Variants in FMNL2 observed in about 807,000 individuals in gnomAD.
FMNL2 encodes formin like 2, also known as formin-like protein 2.
Under a neutral mutation model 130.2 loss-of-function variants are expected in FMNL2, and 51 were observed. That is an observed-to-expected ratio of 0.39 (90% CI 0.31 to 0.49). FMNL2 has a LOEUF of 0.49. Among genes scored for constraint, FMNL2 ranks in the 20% least tolerant of loss-of-function variants. The pLI is 0.85. For synonymous variants in FMNL2, 465 were observed against 467.1 expected, an observed-to-expected ratio of 1.00 and a Z score of 0.06; for missense variants, 977 against 1,316.2, an observed-to-expected ratio of 0.74 and a Z score of 3.99.
intron 1 of FMNL2, among the ~76,000 whole-genome samples, chr2:152,396,425 T>G (rs1685396758): frequency 6.6e-6 from 1 of 152,208 alleles, no homozygotes; most frequent in African/African-American, 2.4e-5. Context: ...GACCAGTTAT[T>G]TATTTCAGTG....
At chr2:152,487,209 C>A (rs1690878802) in intron 1 of FMNL2, among the ~76,000 whole-genome samples, 1 of 152,192 alleles carries the variant, frequency 6.6e-6, no homozygotes, top group Non-Finnish European at 1.5e-5. Flanking sequence ...CACAGCAGTT[C>A]TGATTTCCTT....
At chr2:152,373,522 G>C (rs1281861441) in intron 1 of FMNL2, among the ~76,000 whole-genome samples, 1 of 152,268 alleles carries the variant, frequency 6.6e-6, no homozygotes, top group Non-Finnish European at 1.5e-5. Context: ...AAATCCATGG[G>C]TGTTCAAGTC....
At chr2:152,336,009 C>T (rs1420787163) in intron 1 of FMNL2, among the ~76,000 whole-genome samples, 1 of 151,654 alleles carries the variant, frequency 6.6e-6, no homozygotes, top group Non-Finnish European at 1.5e-5. Flanking sequence ...CGCGTGTGCC[C>T]GGGAGGTGCG....
At chr2:152,390,042 C>T in intron 1 of FMNL2, 2 of 1,579,104 alleles carry the variant, frequency 1.3e-6, no homozygotes, top group Non-Finnish European at 1.7e-6. Flanking sequence ...TGAGGCCCAG[C>T]TCAAGAACGG....
rs561390637 is a variant in FMNL2, at chr2:152,647,974, A to G, written c.*69A>G. On this transcript the variant is annotated 3_prime_UTR_variant, in exon 26 of 26. Transcript: ENST00000288670. ...ACTGCCCACATGAACTTTATGTGCT[A>G]CGATTTAACTGCAGCCTTGAACACA... 2.4e-6 allele frequency: 3 copies of G among 1,253,100 alleles called. No individual in the cohort carries two copies. Among genetic ancestry groups the G allele is most frequent in the East Asian group, 2.4e-5 (1 of 42,076 alleles). 77.6% of individuals were successfully genotyped at this position (1,253,100 alleles called of 1,614,324 possible). A position where few individuals can be genotyped will look rare whatever the true frequency, so the allele number is the denominator to read the frequency against.
chr2:152,376,599 A>G (rs1002905391), intron 1 of FMNL2, among the ~76,000 whole-genome samples: 1 of 152,234 alleles, frequency 6.6e-6, no homozygotes, highest in Non-Finnish European at 1.5e-5. Flanking sequence ...GCAACTTGCC[A>G]GCTGCCTTAC....
At position 152,506,554 on chromosome 2, in the gene FMNL2, G is replaced by T. The variant is rs147161960; in HGVS notation, c.118-15389G>T. Among the ~76,000 whole-genome samples, 793 of 152,194 alleles carry T rather than the reference G, an allele frequency of 5.2e-3. 6 individuals are homozygous for T. The highest frequency in any genetic ancestry group is 0.027 in the Middle Eastern group (8 of 294). ...TTTTTTCAAATATTTTTGATCCATG[G>T]TTGGTTGAATCCACAGATGTGGAAC... On this transcript the variant is annotated intron_variant, in intron 1 of 25. Transcript: ENST00000288670.
chr2:152,364,255 TTGTG>T (rs1438694575), intron 1 of FMNL2, among the ~76,000 whole-genome samples: 1 of 57,884 alleles, frequency 1.7e-5, no homozygotes, highest in African/African-American at 4.8e-5. Context: ...GTTAGGAGGT[TTGTG>T]TGTTTTTTTT....
At chr2:152,400,778 G>A (rs1481567880) in intron 1 of FMNL2, among the ~76,000 whole-genome samples, 1 of 152,218 alleles carries the variant, frequency 6.6e-6, no homozygotes, top group Non-Finnish European at 1.5e-5. Context: ...GAGTAGCACT[G>A]CCTCTTCCCA....
intron 6 of FMNL2, among the ~76,000 whole-genome samples, chr2:152,562,383 A>G (rs1159253954): frequency 6.6e-6 from 1 of 152,202 alleles, no homozygotes; most frequent in Non-Finnish European, 1.5e-5. Flanking sequence ...TAGAATCCAT[A>G]TGTCAGATTG....
chr2:152,570,613 C>G (rs1343147723), intron 6 of FMNL2, among the ~76,000 whole-genome samples: 1 of 152,160 alleles, frequency 6.6e-6, no homozygotes, highest in Admixed American at 6.5e-5. Context: ...GGAATTGGGT[C>G]ACAACTTCTC....
intron 1 of FMNL2, among the ~76,000 whole-genome samples, chr2:152,407,519 C>G (rs554110220): frequency 6.6e-6 from 1 of 152,172 alleles, no homozygotes; most frequent in Non-Finnish European, 1.5e-5. Flanking sequence ...GTCCCCAAAT[C>G]TTTTTGTCTG....
rs73968068 is a variant in FMNL2, at chr2:152,553,259, T to C, written c.359+4162T>C. 1.8e-3 allele frequency among the ~76,000 whole-genome samples: 275 copies of C among 152,320 alleles called. 2 individuals carry two copies. Among genetic ancestry groups the C allele is most frequent in the African/African-American group, 6.3e-3 (263 of 41,560 alleles). Reference sequence around the variant, plus strand: ...AGTGTATGTGTGTATCAAGCTGCCTTATGATTAACTTATTCCTAGATGGTA... The same window carrying C: ...AGTGTATGTGTGTATCAAGCTGCCTCATGATTAACTTATTCCTAGATGGTA... On this transcript the variant is annotated intron_variant, in intron 4 of 25. Transcript: ENST00000288670.
intron 8 of FMNL2, 126 bp from the exon 9 acceptor site, chr2:152,580,830 C>A (rs1463656211): frequency 3.8e-6 from 3 of 795,970 alleles, no homozygotes; most frequent in South Asian, 1.8e-5. Context: ...TTAAACTGTA[C>A]CTTAGTAAAA....
chr2:152,419,324 T>C (rs982021755), intron 1 of FMNL2, among the ~76,000 whole-genome samples: 1 of 152,170 alleles, frequency 6.6e-6, no homozygotes, highest in Non-Finnish European at 1.5e-5. Context: ...CCTAGTGATA[T>C]CGAAATGTAC....
intron 12 of FMNL2, among the ~76,000 whole-genome samples, chr2:152,616,056 C>T (rs904879263): frequency 1.3e-5 from 2 of 152,172 alleles, no homozygotes; most frequent in Non-Finnish European, 2.9e-5. Context: ...TATGCTGAAC[C>T]CAATCAGTGT....
intron 4 of FMNL2, among the ~76,000 whole-genome samples, chr2:152,556,311 C>T (rs1032972428): frequency 6.6e-6 from 1 of 152,120 alleles, no homozygotes; most frequent in African/African-American, 2.4e-5. Flanking sequence ...TAGATCAAAT[C>T]CCAGGGAGGA....
intron 1 of FMNL2, among the ~76,000 whole-genome samples, chr2:152,468,456 G>T (rs545762857): frequency 6.7e-6 from 1 of 149,954 alleles, no homozygotes; most frequent in Admixed American, 6.7e-5. Context: ...ATGTGAACCT[G>T]TTTTTTTTTC....
intron 1 of FMNL2, among the ~76,000 whole-genome samples, chr2:152,440,570 A>C (rs534247916): frequency 6.6e-6 from 1 of 152,204 alleles, no homozygotes; most frequent in Non-Finnish European, 1.5e-5. Flanking sequence ...TCTTCACCGG[A>C]TTCAATTTCT....
Sources: allele counts gnomAD v4.1 joint callset (sites outside exome capture counted in the v4.1 genomes callset), GRCh38; gene constraint gnomAD v4.1.1; transcripts MANE v1.5; gene names NCBI Gene and HGNC (gene_info 2026-07-23, HGNC 2026-07-21).